The following RORA variants were observed in gnomAD, a reference collection of about 807,000 sequenced individuals.
RORA encodes the protein nuclear receptor ROR-alpha.
A neutral mutation model predicts 69.5 loss-of-function variants in RORA; 7 were observed. That is an observed-to-expected ratio of 0.10 (90% CI 0.06 to 0.19). The LOEUF (loss-of-function observed/expected upper bound fraction) is 0.19. Among genes scored for constraint, RORA ranks in the 10% least tolerant of loss-of-function variants. The pLI is 1.00. For missense variants in RORA, 457 were observed against 663.0 expected (o/e 0.69, Z 3.41); for synonymous variants, 261 against 240.8 (o/e 1.08, Z -0.78).
intron 2 of RORA, chr15:60,592,726 C>G: frequency 7.4e-6 from 8 of 1,085,712 alleles, no homozygotes; most frequent in Non-Finnish European, 9.0e-6. Context: ...GGCGGCTCTG[C>G]TGGCCCACCC....
At chr15:60,782,186 C>T (rs2072272994) in intron 1 of RORA, among the ~76,000 whole-genome samples, 1 of 152,074 alleles carries the variant, frequency 6.6e-6, no homozygotes, top group Non-Finnish European at 1.5e-5. Context: ...GATCGCGCCA[C>T]TGCACTCCAG....
chr15:60,932,101 G>T (rs1222946978), intron 1 of RORA, among the ~76,000 whole-genome samples: 1 of 151,984 alleles, frequency 6.6e-6, no homozygotes, highest in Non-Finnish European at 1.5e-5. Context: ...ATAACAAGCA[G>T]TATCAATGTC....
intron 1 of RORA, among the ~76,000 whole-genome samples, chr15:60,983,863 C>CT (rs1179916184): frequency 1.2e-4 from 18 of 152,200 alleles, no homozygotes; most frequent in Non-Finnish European, 1.2e-4. Flanking sequence ...CTCAGGACCT[C>CT]TTGAGACTGT....
chr15:60,714,040 ATC>A (rs530210589), intron 1 of RORA, among the ~76,000 whole-genome samples: 17 of 149,678 alleles, frequency 1.1e-4, no homozygotes, highest in African/African-American at 2.0e-4. Context: ...CTTCTTCATT[ATC>A]TCTCTCTCTC....
rs745673626 is a variant in RORA at position 60,678,635 on chromosome 15, A to G, written c.196+22T>C. 32 of 1,595,998 alleles carry G rather than the reference A, an allele frequency of 2.0e-5. No homozygotes were observed. In the East Asian group the frequency reaches 4.2e-4, roughly 21 times the overall value. ...TCCAACTCTTCAGAAAACTTTGGAC[A>G]GAAAAAAAATGCATTACTTACATGT... On this transcript the variant is annotated intron_variant, in intron 2 of 10. Coordinates refer to ENST00000335670, the MANE Select transcript of RORA (RefSeq NM_134261.3).
Position 61,229,147 on chromosome 15 carries a change from G to A in RORA, c.72C>T (p.Ala24=), listed in dbSNP as rs1382151280. ...GGTTCAGCGGGGTCTCCCTGGAGCCGGCGGCCGCGTCCGCGCCGCTGCTGC... is the reference window on the plus strand; with the variant it reads ...GGTTCAGCGGGGTCTCCCTGGAGCCAGCGGCCGCGTCCGCGCCGCTGCTGC... The part of the protein sequence containing the change: ...EPGSSGADAA[A]GSRETPLNQE... Residue 24 remains alanine (A), a synonymous_variant, in exon 1 of 11, where the codon GCC becomes GCT. Coordinates refer to ENST00000335670, the MANE Select transcript of RORA (RefSeq NM_134261.3). The A allele has an allele frequency of 6.5e-7, 1 of 1,543,912 alleles. No homozygotes were observed. The highest frequency in any genetic ancestry group is 8.7e-7 in the Non-Finnish European group (1 of 1,145,400).
chr15:60,752,382 G>A (rs1162268772), intron 1 of RORA, among the ~76,000 whole-genome samples: 1 of 152,152 alleles, frequency 6.6e-6, no homozygotes, highest in Non-Finnish European at 1.5e-5. Context: ...AAAGGAAAGT[G>A]TGGCGACGGT....
At chr15:60,870,577 A>G (rs1374842333) in intron 1 of RORA, among the ~76,000 whole-genome samples, 4 of 152,218 alleles carry the variant, frequency 2.6e-5, no homozygotes, top group Admixed American at 1.3e-4. Flanking sequence ...TAGACTAAGA[A>G]GGCACTTGGC....
At chr15:60,667,343 A>G (rs1439014820) in intron 2 of RORA, among the ~76,000 whole-genome samples, 10 of 152,204 alleles carry the variant, frequency 6.6e-5, no homozygotes, top group Non-Finnish European at 1.5e-4. Flanking sequence ...TAACAACTTT[A>G]TATGGTTTGT....
At chr15:60,601,796 C>G (rs2068817676) in intron 2 of RORA, among the ~76,000 whole-genome samples, 1 of 152,128 alleles carries the variant, frequency 6.6e-6, no homozygotes, top group Non-Finnish European at 1.5e-5. Flanking sequence ...AAACTGTTAT[C>G]TACGTTTATT....
intron 1 of RORA, among the ~76,000 whole-genome samples, chr15:60,883,152 G>GAA (rs1368433456): frequency 1.9e-5 from 1 of 53,390 alleles, no homozygotes; most frequent in Non-Finnish European, 3.6e-5. Flanking sequence ...AAAAAAAAAA[G>GAA]AAAGAGAGAG....
intron 1 of RORA, among the ~76,000 whole-genome samples, chr15:61,141,463 G>A (rs1409917581): frequency 6.6e-6 from 1 of 152,118 alleles, no homozygotes; most frequent in Non-Finnish European, 1.5e-5. Context: ...ATCTAGAAAA[G>A]TGGCAAAATG....
intron 1 of RORA, among the ~76,000 whole-genome samples, chr15:61,053,487 G>C (rs1046353550): frequency 6.6e-6 from 1 of 152,006 alleles, no homozygotes; most frequent in Non-Finnish European, 1.5e-5. Context: ...ACAGTTTCAC[G>C]ATGATTTCCA....
intron 1 of RORA, among the ~76,000 whole-genome samples, chr15:61,118,801 T>C (rs1349358465): frequency 1.3e-5 from 2 of 151,910 alleles, no homozygotes; most frequent in African/African-American, 2.4e-5. Context: ...GGAAATAAAA[T>C]CCACATTTAA....
intron 2 of RORA, among the ~76,000 whole-genome samples, chr15:60,674,253 G>GGT (rs2070519112): frequency 6.6e-6 from 1 of 152,164 alleles, no homozygotes; most frequent in Non-Finnish European, 1.5e-5. Context: ...CCAAGTTTGG[G>GGT]GTTGCTAAGA....
intron 1 of RORA, among the ~76,000 whole-genome samples, chr15:61,024,450 T>TA (rs1566948174): frequency 1.5e-4 from 10 of 66,232 alleles, no homozygotes; most frequent in Admixed American, 8.0e-4. Context: ...TGCCCGGTAA[T>TA]GTTTTTTTTT....
At chr15:60,984,328 C>T (rs925423515) in intron 1 of RORA, among the ~76,000 whole-genome samples, 3 of 151,966 alleles carry the variant, frequency 2.0e-5, no homozygotes, top group Non-Finnish European at 4.4e-5. Context: ...GTGCATTCTA[C>T]ATATATTTTT....
chr15:60,655,886 G>A (rs2070214299), intron 2 of RORA, among the ~76,000 whole-genome samples: 2 of 152,236 alleles, frequency 1.3e-5, no homozygotes, highest in South Asian at 4.1e-4. Context: ...TTAATTTAAA[G>A]AAAAATAAAT....
intron 1 of RORA, among the ~76,000 whole-genome samples, chr15:60,986,549 C>T (rs1894207382): frequency 6.6e-6 from 1 of 152,204 alleles, no homozygotes; most frequent in Non-Finnish European, 1.5e-5. Context: ...AAGCTGGTAA[C>T]TGTCTTTGGC....
Sources: allele counts gnomAD v4.1 joint callset (sites outside exome capture counted in the v4.1 genomes callset), GRCh38; gene constraint gnomAD v4.1.1; transcripts MANE v1.5; gene names NCBI Gene and HGNC (gene_info 2026-07-23, HGNC 2026-07-21).